The following EDIL3 variants were observed in gnomAD, a reference collection of about 807,000 sequenced individuals.
The protein encoded by EDIL3 is EGF-like repeat and discoidin I-like domain-containing protein 3.
In EDIL3, 37 loss-of-function variants were observed where a neutral mutation model predicts 67.4. That is an observed-to-expected ratio of 0.55 (90% CI 0.42 to 0.72). EDIL3 has a LOEUF of 0.72. Among genes scored for constraint, EDIL3 ranks in the 30% least tolerant of loss-of-function variants. The pLI is 0.00. For missense variants in EDIL3, 527 were observed against 586.3 expected (o/e 0.90, Z 1.04); for synonymous variants, 195 against 196.3 (o/e 0.99, Z 0.05).
At chr5:84,282,167 G>A (rs764691382) in intron 1 of EDIL3, among the ~76,000 whole-genome samples, 26 of 151,694 alleles carry the variant, frequency 1.7e-4, no homozygotes, top group African/African-American at 2.4e-4. Context: ...CACCGTGCCC[G>A]GCCTCATATT....
chr5:84,198,736 G>A (rs2112375763), intron 3 of EDIL3, among the ~76,000 whole-genome samples: 1 of 125,426 alleles, frequency 8.0e-6, no homozygotes. Context: ...TGTATATTAT[G>A]AAATGGGGTC....
intron 4 of EDIL3, among the ~76,000 whole-genome samples, chr5:84,174,691 T>C (rs1348595930): frequency 3.3e-5 from 5 of 152,244 alleles, no homozygotes; most frequent in South Asian, 4.1e-4. Flanking sequence ...GACTGTGGCC[T>C]CTCTCTAGAA....
chr5:84,118,684 T>C (rs2112296394), intron 5 of EDIL3, among the ~76,000 whole-genome samples: 1 of 152,152 alleles, frequency 6.6e-6, no homozygotes, highest in Non-Finnish European at 1.5e-5. Context: ...AAGTTTAGAG[T>C]TGGAATTTCT....
intron 1 of EDIL3, among the ~76,000 whole-genome samples, chr5:84,274,704 A>G (rs1023317206): frequency 3.9e-5 from 6 of 152,052 alleles, no homozygotes; most frequent in African/African-American, 1.5e-4. Context: ...CAAATGACTG[A>G]TTTTTGGAAA....
chr5:84,163,761 G>C (rs1164549927), intron 4 of EDIL3, among the ~76,000 whole-genome samples: 1 of 152,030 alleles, frequency 6.6e-6, no homozygotes, highest in Non-Finnish European at 1.5e-5. Flanking sequence ...CAAAACACAT[G>C]TATAAACTTG....
chr5:84,129,041 T>C (rs1215631402), intron 5 of EDIL3, among the ~76,000 whole-genome samples: 3 of 152,164 alleles, frequency 2.0e-5, no homozygotes, highest in East Asian at 3.8e-4. Flanking sequence ...GATACTTGTT[T>C]GTCTTTCCTT....
At chr5:84,033,922 C>T (rs951898124) in intron 9 of EDIL3, among the ~76,000 whole-genome samples, 4 of 151,980 alleles carry the variant, frequency 2.6e-5, no homozygotes, top group African/African-American at 9.7e-5. Flanking sequence ...AGATAGGAAA[C>T]TCTTCAGGGA....
At chr5:84,307,647 C>T (rs1034344681) in intron 1 of EDIL3, among the ~76,000 whole-genome samples, 4 of 152,024 alleles carry the variant, frequency 2.6e-5, no homozygotes, top group Admixed American at 6.6e-5. Context: ...TTCAAGCAAA[C>T]GAACTCTCTC....
At chr5:84,344,264 T>A (rs879769512) in intron 1 of EDIL3, among the ~76,000 whole-genome samples, 1 of 152,152 alleles carries the variant, frequency 6.6e-6, no homozygotes, top group African/African-American at 2.4e-5. Context: ...TTCCTTTTCA[T>A]GTATTTTATT....
chr5:84,296,734 T>C (rs1746058406), intron 1 of EDIL3, among the ~76,000 whole-genome samples: 1 of 152,178 alleles, frequency 6.6e-6, no homozygotes, highest in Admixed American at 6.5e-5. Context: ...ATCTCTGCCA[T>C]GCCTATGTCC....
At chr5:84,373,973 A>G (rs1224191576) in intron 1 of EDIL3, among the ~76,000 whole-genome samples, 1 of 152,182 alleles carries the variant, frequency 6.6e-6, no homozygotes, top group African/African-American at 2.4e-5. Flanking sequence ...AAAGGGCTAC[A>G]AGCTCATATG....
chr5:84,342,770 G>C (rs957927037), intron 1 of EDIL3, among the ~76,000 whole-genome samples: 1 of 151,948 alleles, frequency 6.6e-6, no homozygotes, highest in Non-Finnish European at 1.5e-5. Context: ...AACTGAATAA[G>C]TGTTTGTTTC....
chr5:84,096,279 C>G (rs1027157031), intron 6 of EDIL3, among the ~76,000 whole-genome samples: 17 of 152,174 alleles, frequency 1.1e-4, no homozygotes, highest in African/African-American at 4.1e-4. Context: ...CTGGAAAAGC[C>G]ACAGATGCTC....
intron 6 of EDIL3, among the ~76,000 whole-genome samples, chr5:84,098,700 T>C (rs972279368): frequency 7.9e-5 from 12 of 152,120 alleles, no homozygotes; most frequent in Non-Finnish European, 1.5e-5. Context: ...CAAGAAGTTA[T>C]TTGAAACTAA....
intron 4 of EDIL3, among the ~76,000 whole-genome samples, chr5:84,154,327 C>G (rs758677735): frequency 6.6e-6 from 1 of 152,000 alleles, no homozygotes; most frequent in Non-Finnish European, 1.5e-5. Flanking sequence ...ACATTAATTC[C>G]TCAATATCTT....
intron 1 of EDIL3, among the ~76,000 whole-genome samples, chr5:84,312,829 A>T (rs1746435421): frequency 1.3e-5 from 2 of 152,232 alleles, no homozygotes; most frequent in Non-Finnish European, 2.9e-5. Flanking sequence ...CTTTTAAGTT[A>T]GGGTGCCTCT....
At chr5:83,980,815 A>G (rs2112148356) in intron 9 of EDIL3, among the ~76,000 whole-genome samples, 1 of 151,428 alleles carries the variant, frequency 6.6e-6, no homozygotes, top group Middle Eastern at 3.4e-3. Flanking sequence ...CAAGATCACT[A>G]TATAAAAGTC....
intron 1 of EDIL3, among the ~76,000 whole-genome samples, chr5:84,293,280 T>C (rs1287616740): frequency 6.6e-6 from 1 of 152,220 alleles, no homozygotes; most frequent in South Asian, 2.1e-4. Flanking sequence ...TTTACAAAGT[T>C]AATTAATTTA....
chr5:84,309,359 T>C (rs1366462438), intron 1 of EDIL3, among the ~76,000 whole-genome samples: 1 of 150,948 alleles, frequency 6.6e-6, no homozygotes, highest in Non-Finnish European at 1.5e-5. Flanking sequence ...TTTATTATTA[T>C]ACTTTAAGTT....
Sources: allele counts gnomAD v4.1 joint callset (sites outside exome capture counted in the v4.1 genomes callset), GRCh38; gene constraint gnomAD v4.1.1; transcripts MANE v1.5; gene names NCBI Gene and HGNC (gene_info 2026-07-23, HGNC 2026-07-21).